Variants in RAPGEF2 observed in about 807,000 individuals in gnomAD.
RAPGEF2 encodes PDZ domain containing guanine nucleotide exchange factor (GEF) 1.
RAPGEF2 carries 54 observed loss-of-function variants against 186.7 expected under a neutral mutation model. That is an observed-to-expected ratio of 0.29 (90% CI 0.23 to 0.36). The LOEUF (loss-of-function observed/expected upper bound fraction) is 0.36, where lower values mean the gene tolerates loss of function less well. Among genes scored for constraint, RAPGEF2 ranks in the 10% least tolerant of loss-of-function variants. The probability of loss-of-function intolerance (pLI) is 1.00; values close to 1 mark genes in which losing one functional copy is unlikely to be tolerated. For missense variants in RAPGEF2, 1,532 were observed against 2,045.0 expected (o/e 0.75, Z 4.84); for synonymous variants, 712 against 705.9 (o/e 1.01, Z -0.14).
chr4:159,198,949 G>A (rs1456983350), intron 3 of RAPGEF2, among the ~76,000 whole-genome samples: 1 of 150,918 alleles, frequency 6.6e-6, no homozygotes, highest in African/African-American at 2.4e-5. Context: ...GGTGGCATGA[G>A]CCTGTAATTC....
chr4:159,174,756 C>CTTTTTTTTTTTTTTTT (rs1554004795), intron 1 of RAPGEF2, among the ~76,000 whole-genome samples: 1 of 112,548 alleles, frequency 8.9e-6, no homozygotes. Context: ...TCTTTTCTTT[C>CTTTTTTTTTTTTTTTT]TTTCTTTTTT....
chr4:159,118,343 A>G lies in RAPGEF2; in HGVS notation c.69+14112A>G, dbSNP rs145186794. Among the ~76,000 whole-genome samples, 1,211 of 152,270 alleles carry G rather than the reference A, an allele frequency of 8.0e-3. 5 individuals are homozygous for G. Among genetic ancestry groups the G allele is most frequent in the Non-Finnish European group, 9.6e-3 (650 of 68,020 alleles). ...GCTTGATGATCTGTCACTGTTTCCCATCATCCCCTAGTTGCAGGAAAACAA... is the reference window on the plus strand; with the variant it reads ...GCTTGATGATCTGTCACTGTTTCCCGTCATCCCCTAGTTGCAGGAAAACAA... On this transcript the variant is annotated intron_variant, in intron 1 of 29. Transcript: ENST00000691494.
At chr4:159,107,102 GT>G (rs1316086638) in intron 1 of RAPGEF2, among the ~76,000 whole-genome samples, 1 of 152,150 alleles carries the variant, frequency 6.6e-6, no homozygotes, top group Non-Finnish European at 1.5e-5. Flanking sequence ...GTCCCATATT[GT>G]GTGTCTGGAA....
rs531510139 is a variant in RAPGEF2, at chr4:159,154,470, A to G, written c.70-32172A>G. 4.0e-5 allele frequency among the ~76,000 whole-genome samples: 6 copies of G among 150,660 alleles called. No homozygotes were observed. The South Asian group carries it at 1.3e-3, about 31-fold the overall frequency. ...ATTACTGAACTCAGATTACAAACACATTCTTATGTTTTTCTCTCCTTCCAC... is the reference window on the plus strand; with the variant it reads ...ATTACTGAACTCAGATTACAAACACGTTCTTATGTTTTTCTCTCCTTCCAC... On this transcript the variant is annotated intron_variant, in intron 1 of 29. Transcript: ENST00000691494.
At chr4:159,282,203 G>A (rs776640604) in intron 7 of RAPGEF2, among the ~76,000 whole-genome samples, 3 of 152,150 alleles carry the variant, frequency 2.0e-5, no homozygotes, top group Non-Finnish European at 2.9e-5. Context: ...GTGATTCAGA[G>A]ATTTATTTTT....
chr4:159,340,815 G>T (rs893488192), intron 19 of RAPGEF2, among the ~76,000 whole-genome samples: 1 of 146,174 alleles, frequency 6.8e-6, no homozygotes, highest in Non-Finnish European at 1.5e-5. Flanking sequence ...ACACACACAC[G>T]TGTGCGTGCA....
intron 1 of RAPGEF2, among the ~76,000 whole-genome samples, chr4:159,143,031 A>C (rs1742513714): frequency 6.6e-6 from 1 of 152,238 alleles, no homozygotes; most frequent in Non-Finnish European, 1.5e-5. Context: ...AAAAACCTTC[A>C]TATTTTTAAA....
intron 7 of RAPGEF2, among the ~76,000 whole-genome samples, chr4:159,270,491 TTGAC>T (rs555944440): frequency 1.4e-3 from 218 of 152,344 alleles, no homozygotes; most frequent in Non-Finnish European, 2.6e-3. Context: ...CTTTGCTTCT[TTGAC>T]TGCAGCAGGT....
Position 159,142,702 on chromosome 4 carries a change from T to C in RAPGEF2, c.69+38471T>C, listed in dbSNP as rs1296907927. ...AAAATTTTCTTTTCAGTTTAAATTA[T>C]AGAATGCAATGGTTTTTTAAAAAAT... is the stretch of plus-strand genomic sequence containing the variant. On this transcript the variant is annotated intron_variant, in intron 1 of 29. Transcript: ENST00000691494. 2.6e-5 allele frequency among the ~76,000 whole-genome samples: 4 copies of C among 152,214 alleles called. No individual in the cohort carries two copies. The East Asian group carries it at 5.8e-4, about 22-fold the overall frequency.
chr4:159,295,184 A>G (rs961166412), intron 7 of RAPGEF2, among the ~76,000 whole-genome samples: 2 of 152,222 alleles, frequency 1.3e-5, no homozygotes, highest in South Asian at 2.1e-4. Flanking sequence ...TTTAAAATAG[A>G]TGAAATACTA....
rs1264989133 is a variant in RAPGEF2 at position 159,304,481 on chromosome 4, G to T, written c.675+8G>T. On this transcript the variant is annotated splice_region_variant and intron_variant, in intron 8 of 29. Coordinates refer to ENST00000691494, the MANE Select transcript of RAPGEF2 (RefSeq NM_001394067.2). ...CTTTCTGATATCTACCAGGTAAGAGGATGTTTTCCTTGTCATTTGCTTCAT... is the reference window on the plus strand; with the variant it reads ...CTTTCTGATATCTACCAGGTAAGAGTATGTTTTCCTTGTCATTTGCTTCAT... 15 of 1,593,432 alleles carry T rather than the reference G, an allele frequency of 9.4e-6. No homozygotes were observed. The highest frequency in any genetic ancestry group is 1.3e-5 in the Non-Finnish European group (15 of 1,165,638).
intron 17 of RAPGEF2, among the ~76,000 whole-genome samples, chr4:159,336,876 A>G (rs960887331): frequency 6.6e-6 from 1 of 152,166 alleles, no homozygotes; most frequent in African/African-American, 2.4e-5. Flanking sequence ...ACCTTAGTTT[A>G]TATTCCAACT....
At chr4:159,346,092 C>T (rs770948398) in intron 24 of RAPGEF2, among the ~76,000 whole-genome samples, 7 of 152,148 alleles carry the variant, frequency 4.6e-5, no homozygotes, top group Non-Finnish European at 1.0e-4. Context: ...TGTTTGTCTC[C>T]TCTTACTAGC....
At chr4:159,215,536 T>C (rs926845186) in intron 4 of RAPGEF2, among the ~76,000 whole-genome samples, 21 of 152,226 alleles carry the variant, frequency 1.4e-4, no homozygotes, top group Admixed American at 4.6e-4. Context: ...TTTATGTTGG[T>C]CACAGTCTTA....
chr4:159,203,487 G>T (rs924458814), intron 3 of RAPGEF2, among the ~76,000 whole-genome samples: 4 of 152,156 alleles, frequency 2.6e-5, no homozygotes, highest in Non-Finnish European at 5.9e-5. Flanking sequence ...GAAGCTGGAA[G>T]AAAGCGACTC....
intron 8 of RAPGEF2, among the ~76,000 whole-genome samples, chr4:159,313,780 A>C (rs1453610112): frequency 6.6e-6 from 1 of 152,226 alleles, no homozygotes; most frequent in Non-Finnish European, 1.5e-5. Flanking sequence ...ATTGAAGTCT[A>C]GGTATATAAT....
chr4:159,307,546 T>A (rs951921690), intron 8 of RAPGEF2, among the ~76,000 whole-genome samples: 2 of 152,214 alleles, frequency 1.3e-5, no homozygotes, highest in African/African-American at 4.8e-5. Flanking sequence ...TCCTCTAAAC[T>A]TTGAGATTAT....
rs1427866889 is a variant in RAPGEF2 at position 159,330,447 on chromosome 4, A to C, written c.1416A>C (p.Glu472Asp). The stretch of plus-strand genomic sequence containing the variant: ...GGACTTTTCTTTCTAGCCCAATGGA[A>C]GTGGGCAAAAAGTTATTGGAGTGGT... Reference protein sequence around the residue: ...TYRTFLSSPMEVGKKLLEWFN... With the variant: ...TYRTFLSSPMDVGKKLLEWFN... The change falls in exon 13 of 30, where the codon GAA becomes GAC. Residue 472 changes from glutamate (E) to aspartate (D), a missense_variant. By Grantham distance (45) the Glu-to-Asp change is conservative. Coordinates refer to ENST00000691494, the MANE Select transcript of RAPGEF2 (RefSeq NM_001394067.2). 6.2e-7 allele frequency: 1 copy of C among 1,608,522 alleles called. No individual in the cohort carries two copies. Among genetic ancestry groups the C allele is most frequent in the South Asian group, 1.1e-5 (1 of 89,662 alleles).
At chr4:159,203,323 A>C (rs1749641574) in intron 3 of RAPGEF2, among the ~76,000 whole-genome samples, 1 of 152,182 alleles carries the variant, frequency 6.6e-6, no homozygotes, top group South Asian at 2.1e-4. Flanking sequence ...CTTATTAAGA[A>C]AATATTTGAG....
Sources: gnomAD v4.1 joint callset for allele counts (sites outside exome capture counted in the v4.1 genomes callset) on GRCh38, gnomAD v4.1.1 for gene constraint, MANE v1.5 for transcripts, NCBI Gene and HGNC (gene_info 2026-07-23, HGNC 2026-07-21) for gene names.